INSR: variants seen among roughly 807,000 people sequenced by gnomAD.
The protein encoded by INSR is IR.
Under a neutral mutation model 142.6 loss-of-function variants are expected in INSR, and 67 were observed. The ratio of observed to expected loss-of-function variants is 0.47; its 90% CI spans 0.39 to 0.58. The LOEUF (loss-of-function observed/expected upper bound fraction) is 0.58, where lower values mean the gene tolerates loss of function less well. Among genes scored for constraint, INSR ranks in the 20% least tolerant of loss-of-function variants. The pLI is 0.00. For synonymous variants in INSR, 756 were observed against 743.1 expected (o/e 1.02, Z -0.28); for missense variants, 1,248 against 1,833.2 (o/e 0.68, Z 5.83).
intron 17 of INSR, among the ~76,000 whole-genome samples, chr19:7,124,058 G>C (rs1384814342): frequency 2.0e-5 from 3 of 148,002 alleles, no homozygotes; most frequent in African/African-American, 7.5e-5. Context: ...CGTCTCTACT[G>C]AAAATACAAA....
rs537268567 is a variant in INSR at position 7,225,259 on chromosome 19, C to T, written c.653-40622G>A. On this transcript the variant is annotated intron_variant, in intron 2 of 21. Coordinates refer to ENST00000302850, the MANE Select transcript of INSR (RefSeq NM_000208.4). This position sits in a 1 kb window ranked among gnomAD's most constrained non-coding sequence, Gnocchi z 4.7. Reference sequence around the variant, plus strand: ...CCGAGCCACAAGAAGACACTTGCTCCATCAATGTTACTGTGGGCCAGTTGC... The same window carrying T: ...CCGAGCCACAAGAAGACACTTGCTCTATCAATGTTACTGTGGGCCAGTTGC... 3.0e-4 allele frequency among the ~76,000 whole-genome samples: 46 copies of T among 152,294 alleles called. No individual in the cohort carries two copies. The highest frequency in any genetic ancestry group is 1.0e-3 in the African/African-American group (42 of 41,570).
At chr19:7,173,874 G>A (rs545880583) in intron 4 of INSR, among the ~76,000 whole-genome samples, 3 of 151,128 alleles carry the variant, frequency 2.0e-5, no homozygotes, top group East Asian at 2.0e-4. Context: ...CACCTGCCTC[G>A]GCCTCCCAAA....
chr19:7,198,300 G>C (rs1307809289), intron 2 of INSR, among the ~76,000 whole-genome samples: 2 of 151,776 alleles, frequency 1.3e-5, no homozygotes, highest in African/African-American at 4.8e-5. Flanking sequence ...CCCCAGACTG[G>C]CGCTCGGGCA....
At chr19:7,250,704 T>A (rs1976702224) in intron 2 of INSR, among the ~76,000 whole-genome samples, 1 of 150,806 alleles carries the variant, frequency 6.6e-6, no homozygotes, top group Non-Finnish European at 1.5e-5. Context: ...AGAAAAAAAA[T>A]CAAAGAACAC....
intron 2 of INSR, among the ~76,000 whole-genome samples, chr19:7,193,836 T>C (rs1453717724): frequency 6.6e-6 from 1 of 151,848 alleles, no homozygotes; most frequent in East Asian, 1.9e-4. Context: ...ACTACAGGCG[T>C]ACACCACCAT....
At chr19:7,256,900 GCCATCATTCACGTTA>G (rs1311221195) in intron 2 of INSR, among the ~76,000 whole-genome samples, 1 of 149,926 alleles carries the variant, frequency 6.7e-6, no homozygotes, top group Non-Finnish European at 1.5e-5. Flanking sequence ...ATTCAAGTGG[GCCATCATTCACGTTA>G]CATGCTCTAC....
chr19:7,272,637 C>CA lies in INSR; in HGVS notation c.101-4742dup, dbSNP rs1967958463. The stretch of plus-strand genomic sequence containing the variant: ...CATCTCAAAAAACAAAAAACAAAAC[C>CA]AAAAAAACCCCACGAAACAAAAACA... On this transcript the variant is annotated intron_variant, in intron 1 of 21. Transcript: ENST00000302850. Among the ~76,000 whole-genome samples, 11 of 151,934 alleles carry CA rather than the reference C, an allele frequency of 7.2e-5. No individual in the cohort carries two copies. In the South Asian group the frequency reaches 2.3e-3, roughly 32 times the overall value.
At chr19:7,126,303 C>T (rs560373098) in intron 16 of INSR, among the ~76,000 whole-genome samples, 5 of 152,174 alleles carry the variant, frequency 3.3e-5, no homozygotes, top group Admixed American at 2.0e-4. Flanking sequence ...CCAGGCAAGA[C>T]CAGAAGAACT....
chr19:7,165,143 A>AAAACC (rs1255696923), intron 8 of INSR, among the ~76,000 whole-genome samples: 25 of 151,166 alleles, frequency 1.7e-4, no homozygotes, highest in African/African-American at 6.1e-4. Context: ...AAAACAAAAC[A>AAAACC]AAACAAAAAT....
In INSR at chr19:7,292,297, G is replaced by A. The variant is rs371734968; in HGVS notation, c.100+1495C>T. Reference sequence around the variant, plus strand: ...GCAGAGAAGGGAGTTTCACCATGTTGGCCAGGATGGTCTCCATCTCCTGAC... The same window carrying A: ...GCAGAGAAGGGAGTTTCACCATGTTAGCCAGGATGGTCTCCATCTCCTGAC... On this transcript the variant is annotated intron_variant, in intron 1 of 21. Coordinates refer to ENST00000302850, the MANE Select transcript of INSR (RefSeq NM_000208.4). Among the ~76,000 whole-genome samples, 214 of 145,268 alleles carry A rather than the reference G, an allele frequency of 1.5e-3. 2 individuals are homozygous for A. The highest frequency in any genetic ancestry group is 0.012 in the Middle Eastern group (3 of 248).
At chr19:7,223,527 G>C (rs527700612) in intron 2 of INSR, among the ~76,000 whole-genome samples, 1 of 152,204 alleles carries the variant, frequency 6.6e-6, no homozygotes, top group Non-Finnish European at 1.5e-5. Flanking sequence ...CCTGTGATGA[G>C]TTGGTCACCC....
chr19:7,268,649 A>C, intron 1 of INSR: 1 of 975,100 alleles, frequency 1.0e-6, no homozygotes, highest in East Asian at 1.1e-4. Flanking sequence ...CTTATATGGA[A>C]GAAGAAGTGA....
intron 2 of INSR, among the ~76,000 whole-genome samples, chr19:7,185,410 G>T (rs1384106333): frequency 1.3e-5 from 2 of 152,112 alleles, no homozygotes; most frequent in African/African-American, 2.4e-5. Context: ...TAAGTAACTT[G>T]CCCCCAAACC....
chr19:7,286,241 C>T (rs892802829), intron 1 of INSR, among the ~76,000 whole-genome samples: 5 of 152,010 alleles, frequency 3.3e-5, no homozygotes, highest in African/African-American at 1.2e-4. Context: ...CTTCGGCCTC[C>T]CAAAGTGCTG....
At chr19:7,241,033 G>C (rs1456071459) in intron 2 of INSR, among the ~76,000 whole-genome samples, 1 of 152,092 alleles carries the variant, frequency 6.6e-6, no homozygotes, top group Non-Finnish European at 1.5e-5. Flanking sequence ...ATACATGCAG[G>C]GCTGGAAGTT....
intron 1 of INSR, among the ~76,000 whole-genome samples, chr19:7,283,601 G>A (rs534259447): frequency 4.6e-5 from 7 of 152,088 alleles, no homozygotes; most frequent in African/African-American, 9.7e-5. Context: ...CACCGTGCTC[G>A]GCTAATTTTT....
intron 9 of INSR, among the ~76,000 whole-genome samples, chr19:7,153,690 C>G (rs995563328): frequency 6.6e-6 from 1 of 152,126 alleles, no homozygotes; most frequent in East Asian, 1.9e-4. Flanking sequence ...TACACTTCAG[C>G]CTGGGTGACA....
At chr19:7,259,814 G>C (rs2145194122) in intron 2 of INSR, among the ~76,000 whole-genome samples, 1 of 117,744 alleles carries the variant, frequency 8.5e-6, no homozygotes, top group South Asian at 2.5e-4. Flanking sequence ...GCGAGACTCT[G>C]TCTCAAAAAA....
At chr19:7,289,215 G>A (rs914018811) in intron 1 of INSR, among the ~76,000 whole-genome samples, 2 of 151,942 alleles carry the variant, frequency 1.3e-5, no homozygotes, top group African/African-American at 4.8e-5. Context: ...GTAAAGCAGC[G>A]GAGATGCAAG....
Sources: allele counts gnomAD v4.1 joint callset (sites outside exome capture counted in the v4.1 genomes callset), GRCh38; gene constraint gnomAD v4.1.1; non-coding constraint Gnocchi (gnomAD v3.1); transcripts MANE v1.5; gene names NCBI Gene and HGNC (gene_info 2026-07-23, HGNC 2026-07-21).